ITIH5: variants seen among roughly 807,000 people sequenced by gnomAD.
ITIH5 encodes inter-alpha-trypsin inhibitor heavy chain 5, also known as inter-alpha-trypsin inhibitor heavy chain H5.
In ITIH5, 65 loss-of-function variants were observed where a neutral mutation model predicts 77.5. That is an observed-to-expected ratio of 0.84 (90% CI 0.69 to 1.03). ITIH5 has a LOEUF of 1.03. Ranked by LOEUF, ITIH5 falls within the 50% of genes least tolerant of loss-of-function variation. The pLI, the probability that ITIH5 is intolerant of heterozygous loss-of-function variation, is 0.00. For synonymous variants in ITIH5, 525 were observed against 494.3 expected, an observed-to-expected ratio of 1.06 and a Z score of -0.82; for missense variants, 1,208 against 1,213.1, an observed-to-expected ratio of 1.00 and a Z score of 0.06.
intron 4 of ITIH5, among the ~76,000 whole-genome samples, chr10:7,638,697 T>TA (rs1588419599): frequency 6.6e-6 from 1 of 152,010 alleles, no homozygotes; most frequent in East Asian, 1.9e-4. Flanking sequence ...ATACACGAAA[T>TA]AAAAAAGCCA....
At chr10:7,656,495 C>T (rs764504637) in intron 1 of ITIH5, among the ~76,000 whole-genome samples, 9 of 151,996 alleles carry the variant, frequency 5.9e-5, no homozygotes, top group Non-Finnish European at 1.2e-4. Flanking sequence ...GATTTATAGG[C>T]GTGAGCCACT....
intron 7 of ITIH5, among the ~76,000 whole-genome samples, chr10:7,607,707 G>T (rs114924890): frequency 6.6e-6 from 1 of 152,204 alleles, no homozygotes; most frequent in Admixed American, 6.5e-5. Flanking sequence ...CAGCCTACTC[G>T]GAAGGCTGAG....
At chr10:7,660,152 A>G (rs1834253564) in intron 1 of ITIH5, among the ~76,000 whole-genome samples, 1 of 152,210 alleles carries the variant, frequency 6.6e-6, no homozygotes, top group Admixed American at 6.5e-5. Flanking sequence ...CATCTCTGCC[A>G]CCAAGGACCA....
intron 1 of ITIH5, among the ~76,000 whole-genome samples, chr10:7,663,170 C>T (rs975144395): frequency 1.3e-5 from 2 of 152,208 alleles, no homozygotes; most frequent in Non-Finnish European, 2.9e-5. Context: ...GTGTTCGGCA[C>T]ACCTACACTC....
intron 7 of ITIH5, among the ~76,000 whole-genome samples, chr10:7,596,229 T>C (rs1278267628): frequency 1.3e-5 from 2 of 152,184 alleles, no homozygotes; most frequent in Admixed American, 6.5e-5. Context: ...CCCTCTTTCC[T>C]ATAAAGCTGA....
At chr10:7,617,058 A>AG in intron 6 of ITIH5, 55 bp downstream of exon 6, 2 of 1,138,436 alleles carry the variant, frequency 1.8e-6, no homozygotes, top group Middle Eastern at 2.1e-4. Flanking sequence ...CCACAGTATG[A>AG]GTCTGTCCAA....
intron 7 of ITIH5, among the ~76,000 whole-genome samples, chr10:7,608,425 G>A (rs1055279152): frequency 6.6e-6 from 1 of 151,958 alleles, no homozygotes; most frequent in African/African-American, 2.4e-5. Context: ...GACTACAGAT[G>A]TGGGCCATCA....
intron 1 of ITIH5, among the ~76,000 whole-genome samples, chr10:7,663,119 T>C (rs553823540): frequency 6.6e-6 from 1 of 152,336 alleles, no homozygotes; most frequent in African/African-American, 2.4e-5. Flanking sequence ...AAAGTGAACA[T>C]GGCTTGCTGT....
At chr10:7,592,133 T>C (rs1588382008) in intron 7 of ITIH5, among the ~76,000 whole-genome samples, 1 of 152,164 alleles carries the variant, frequency 6.6e-6, no homozygotes, top group South Asian at 2.1e-4. Context: ...CCTCCCAAAG[T>C]GTTGGGATTA....
At chr10:7,565,698 C>T (rs1832136989) in intron 13 of ITIH5, among the ~76,000 whole-genome samples, 2 of 148,356 alleles carry the variant, frequency 1.3e-5, no homozygotes, top group Admixed American at 6.8e-5. Context: ...CATATACAGA[C>T]TGCATATATA....
At chr10:7,569,434 T>G (rs1473643063) in intron 12 of ITIH5, 4 of 407,092 alleles carry the variant, frequency 9.8e-6, no homozygotes, top group African/African-American at 8.1e-5. Context: ...ATCTCCATTT[T>G]ACAAGGGAAA....
intron 5 of ITIH5, among the ~76,000 whole-genome samples, chr10:7,629,354 T>G (rs1389789997): frequency 7.2e-6 from 1 of 138,038 alleles, no homozygotes; most frequent in Non-Finnish European, 1.5e-5. Context: ...TTGTAGCGTG[T>G]GTCCCTGTTG....
At chr10:7,581,877 T>C (rs1443765566) in intron 8 of ITIH5, among the ~76,000 whole-genome samples, 1 of 144,712 alleles carries the variant, frequency 6.9e-6, no homozygotes, top group East Asian at 2.0e-4. Flanking sequence ...TGTATTTTTT[T>C]TTTTTTTTTT....
At position 7,616,073 on chromosome 10, in the gene ITIH5, T is replaced by C. The variant is rs1367960532; in HGVS notation, c.848A>G (p.Tyr283Cys). ...AGGAGGAAGGTCTTTAGGAGCAAAG[T>C]AGTGCACAAAATAGCCATTTAGAAC... is the stretch of plus-strand genomic sequence containing the variant. ...IQVLNGYFVH[Y>C]FAPKDLPPLP... The change falls in exon 7 of 14, where the codon TAC (tyrosine) becomes TGC (cysteine). Residue 283 changes from tyrosine to cysteine, a missense_variant. By Grantham distance (194) the Tyr-to-Cys change is radical (BLOSUM62 -2). Transcript: ENST00000397146. 2 of 1,611,108 alleles carry C rather than the reference T, an allele frequency of 1.2e-6. No homozygotes were observed. The highest frequency in any genetic ancestry group is 1.7e-6 in the Non-Finnish European group (2 of 1,177,460).
chr10:7,572,511 T>G, intron 11 of ITIH5: 2 of 1,233,226 alleles, frequency 1.6e-6, no homozygotes, highest in Non-Finnish European at 2.1e-6. Context: ...ATGCTCCGGA[T>G]CTCTAAAACA....
chr10:7,639,192 T>G (rs1833845400), intron 4 of ITIH5, among the ~76,000 whole-genome samples: 1 of 152,120 alleles, frequency 6.6e-6, no homozygotes, highest in Admixed American at 6.5e-5. Flanking sequence ...ATGAGGCAAC[T>G]CATCAAACAA....
intron 8 of ITIH5, among the ~76,000 whole-genome samples, chr10:7,582,034 C>A (rs982998230): frequency 7.9e-5 from 12 of 151,790 alleles, no homozygotes; most frequent in African/African-American, 2.7e-4. Context: ...CGCCACCATG[C>A]CTGGCTAATT....
At chr10:7,626,082 G>C (rs1833573787) in intron 5 of ITIH5, among the ~76,000 whole-genome samples, 1 of 152,168 alleles carries the variant, frequency 6.6e-6, no homozygotes, top group African/African-American at 2.4e-5. Context: ...AAGTGTTCAG[G>C]GGGTGTGGCA....
At position 7,601,612 on chromosome 10, in the gene ITIH5, A is replaced by G. The variant is rs577348968; in HGVS notation, c.939+14370T>C. On this transcript the variant is annotated intron_variant, in intron 7 of 13. Transcript: ENST00000397146. ...AGCAGCTCATATCGCCAACCTCTGC[A>G]TGACCTGCTTCTGGGGGTCCTTCCA... Among the ~76,000 whole-genome samples the G allele has an allele frequency of 1.1e-4, 16 of 152,224 alleles. No individual in the cohort carries two copies. The East Asian group carries it at 1.4e-3, about 13-fold the overall frequency.
Sources: gnomAD v4.1 joint callset for allele counts (sites outside exome capture counted in the v4.1 genomes callset) on GRCh38, gnomAD v4.1.1 for gene constraint, MANE v1.5 for transcripts, NCBI Gene and HGNC (gene_info 2026-07-23, HGNC 2026-07-21) for gene names.